Variants in CMSS1 observed in about 807,000 individuals in gnomAD.
The protein encoded by CMSS1 is cms1 ribosomal small subunit homolog, also known as protein CMSS1.
A neutral mutation model predicts 43.5 loss-of-function variants in CMSS1; 33 were observed. The observed-to-expected ratio is 0.76, with a 90% CI of 0.57 to 1.01. CMSS1 has a LOEUF of 1.01. CMSS1 is among the 50% of genes least tolerant of loss of function. The probability of loss-of-function intolerance (pLI) is 0.00; values close to 1 mark genes in which losing one functional copy is unlikely to be tolerated. For synonymous variants in CMSS1, 115 were observed against 117.2 expected (o/e 0.98, Z 0.12); for missense variants, 313 against 326.4 (o/e 0.96, Z 0.32).
chr3:100,083,212 C>G (rs1331605618), intron 1 of CMSS1, among the ~76,000 whole-genome samples: 1 of 152,170 alleles, frequency 6.6e-6, no homozygotes, highest in East Asian at 1.9e-4. Flanking sequence ...CCAGAATATT[C>G]AACATAAGAA....
At chr3:99,913,085 G>A (rs1706841893) in intron 1 of CMSS1, among the ~76,000 whole-genome samples, 1 of 151,896 alleles carries the variant, frequency 6.6e-6, no homozygotes, top group Admixed American at 6.5e-5. Context: ...AGGAAACAAG[G>A]AGACGACAGC....
intron 1 of CMSS1, among the ~76,000 whole-genome samples, chr3:100,115,227 C>T (rs1003097092): frequency 1.3e-5 from 2 of 152,104 alleles, no homozygotes; most frequent in South Asian, 2.1e-4. Context: ...CTACCACCTG[C>T]CCAGTGCTCA....
At chr3:100,050,581 G>C (rs981736727) in intron 1 of CMSS1, among the ~76,000 whole-genome samples, 3 of 152,060 alleles carry the variant, frequency 2.0e-5, no homozygotes, top group Non-Finnish European at 4.4e-5. Flanking sequence ...GCCCAGGCTG[G>C]AGTGCAGTGG....
intron 1 of CMSS1, among the ~76,000 whole-genome samples, chr3:100,128,233 C>T (rs1467287739): frequency 6.6e-6 from 1 of 152,200 alleles, no homozygotes; most frequent in Non-Finnish European, 1.5e-5. Context: ...CTTCAACATC[C>T]TCTTGAGACT....
At chr3:100,067,392 G>A (rs140368911) in intron 1 of CMSS1, among the ~76,000 whole-genome samples, 139 of 152,306 alleles carry the variant, frequency 9.1e-4, no homozygotes, top group African/African-American at 3.1e-3. Context: ...GGTGAAGGTT[G>A]TATATATAAG....
chr3:100,159,054 T>C (rs1226769603), intron 2 of CMSS1, among the ~76,000 whole-genome samples: 1 of 152,254 alleles, frequency 6.6e-6, no homozygotes, highest in African/African-American at 2.4e-5. Context: ...TGGACTCTTA[T>C]GGCCATCTGG....
chr3:100,174,244 A>G (rs1380220150), intron 8 of CMSS1, among the ~76,000 whole-genome samples: 1 of 152,140 alleles, frequency 6.6e-6, no homozygotes, highest in Non-Finnish European at 1.5e-5. Context: ...TTGGCTGGGT[A>G]TCAGAAGCTA....
intron 1 of CMSS1, among the ~76,000 whole-genome samples, chr3:99,945,467 C>T (rs1480996923): frequency 6.6e-6 from 1 of 152,070 alleles, no homozygotes; most frequent in Admixed American, 6.5e-5. Flanking sequence ...GCCAAGAGTG[C>T]GTGTTGACTA....
At chr3:100,162,270 G>C (rs756839775) in intron 3 of CMSS1, 33 bp from the exon 4 acceptor site, 1 of 1,595,638 alleles carries the variant, frequency 6.3e-7, no homozygotes, top group East Asian at 2.2e-5. Context: ...TTTAAAATAT[G>C]TCGTCCCATT....
intron 2 of CMSS1, among the ~76,000 whole-genome samples, chr3:100,151,483 C>A (rs2066907917): frequency 6.6e-6 from 1 of 152,146 alleles, no homozygotes; most frequent in Admixed American, 6.5e-5. Context: ...ACTATTTGAG[C>A]CTCTCCACAG....
chr3:100,140,466 T>G (rs1175534824), intron 1 of CMSS1, among the ~76,000 whole-genome samples: 1 of 151,820 alleles, frequency 6.6e-6, no homozygotes, highest in Non-Finnish European at 1.5e-5. Context: ...AGGCCTGGCT[T>G]CTTTTGCTTG....
chr3:100,062,143 G>T (rs1355619966), intron 1 of CMSS1, among the ~76,000 whole-genome samples: 2 of 100,970 alleles, frequency 2.0e-5, no homozygotes, highest in Non-Finnish European at 1.8e-5. Flanking sequence ...ACGGAGTGTT[G>T]CTCTGTCCCC....
intron 1 of CMSS1, among the ~76,000 whole-genome samples, chr3:100,092,876 A>T (rs1169339342): frequency 6.6e-6 from 1 of 151,668 alleles, no homozygotes. Flanking sequence ...TCATTCCAGG[A>T]GTTAACAGCG....
At chr3:100,064,963 T>C (rs1170311186) in intron 1 of CMSS1, among the ~76,000 whole-genome samples, 2 of 152,180 alleles carry the variant, frequency 1.3e-5, no homozygotes, top group Non-Finnish European at 2.9e-5. Flanking sequence ...TAACATATGT[T>C]AAACACACAC....
intron 1 of CMSS1, among the ~76,000 whole-genome samples, chr3:100,056,894 C>G (rs147098703): frequency 0.012 from 1,787 of 152,172 alleles, 22 homozygotes; most frequent in African/African-American, 0.026. Flanking sequence ...GTCCCAGCTA[C>G]TCGGGAGGCT....
At chr3:99,981,741 G>A (rs1559712664) in intron 1 of CMSS1, among the ~76,000 whole-genome samples, 1 of 152,162 alleles carries the variant, frequency 6.6e-6, no homozygotes, top group Non-Finnish European at 1.5e-5. Flanking sequence ...CAAATTGCGT[G>A]CTATTTTCTC....
At chr3:99,892,793 A>G (rs948759925) in intron 1 of CMSS1, among the ~76,000 whole-genome samples, 3 of 152,246 alleles carry the variant, frequency 2.0e-5, no homozygotes, top group Admixed American at 6.5e-5. Context: ...AGAGAATGAC[A>G]TAACTAGCTT....
chr3:100,139,529 ATGTGTGTG>A (rs201315535), intron 1 of CMSS1, among the ~76,000 whole-genome samples: 2,065 of 129,326 alleles, frequency 0.016, 31 homozygotes, highest in South Asian at 0.025. Flanking sequence ...TAAAAAAAAA[ATGTGTGTG>A]TGTGTGTGTG....
At chr3:100,136,870 A>G (rs577585768) in intron 1 of CMSS1, among the ~76,000 whole-genome samples, 4 of 152,352 alleles carry the variant, frequency 2.6e-5, no homozygotes, top group African/African-American at 9.6e-5. Context: ...AAAAATGTGC[A>G]GAAGCAATAA....
Sources: gnomAD v4.1 joint callset for allele counts (sites outside exome capture counted in the v4.1 genomes callset) on GRCh38, gnomAD v4.1.1 for gene constraint, MANE v1.5 for transcripts, NCBI Gene and HGNC (gene_info 2026-07-23, HGNC 2026-07-21) for gene names.